The following KCND3 variants were observed in gnomAD, a reference collection of about 807,000 sequenced individuals.
The protein encoded by KCND3 is A-type voltage-gated potassium channel KCND3.
A neutral mutation model predicts 51.1 loss-of-function variants in KCND3; 9 were observed. The observed-to-expected ratio is 0.18, with a 90% confidence interval of 0.11 to 0.31. KCND3 has a LOEUF of 0.31. Ranked by LOEUF, KCND3 falls within the 10% of genes least tolerant of loss-of-function variation. The probability of loss-of-function intolerance (pLI) is 1.00; values close to 1 mark genes in which losing one functional copy is unlikely to be tolerated. For missense variants in KCND3, 526 were observed against 903.8 expected (o/e 0.58, Z 5.36); for synonymous variants, 349 against 368.0 (o/e 0.95, Z 0.59).
chr1:111,869,247 A>C (rs1433620113), intron 2 of KCND3, among the ~76,000 whole-genome samples: 1 of 152,196 alleles, frequency 6.6e-6, no homozygotes. Flanking sequence ...CTCATGAGAC[A>C]GGGCTATACA....
At chr1:111,889,216 A>C (rs898235802) in intron 2 of KCND3, among the ~76,000 whole-genome samples, 2 of 152,204 alleles carry the variant, frequency 1.3e-5, no homozygotes, top group African/African-American at 4.8e-5. Context: ...GGCCTGCCCC[A>C]AAAATTCAGG....
At chr1:111,926,512 T>G (rs1302612359) in intron 2 of KCND3, among the ~76,000 whole-genome samples, 1 of 152,194 alleles carries the variant, frequency 6.6e-6, no homozygotes, top group Non-Finnish European at 1.5e-5. Context: ...ACCTCACAGG[T>G]GCCTGTCCCG....
At chr1:111,917,858 G>A (rs1671296215) in intron 2 of KCND3, among the ~76,000 whole-genome samples, 1 of 152,196 alleles carries the variant, frequency 6.6e-6, no homozygotes, top group Non-Finnish European at 1.5e-5. Context: ...AAAACAGGGT[G>A]CTTCCCTGCT....
At chr1:111,898,090 C>T (rs1410765931) in intron 2 of KCND3, among the ~76,000 whole-genome samples, 1 of 152,180 alleles carries the variant, frequency 6.6e-6, no homozygotes, top group African/African-American at 2.4e-5. Flanking sequence ...TGACCCTACG[C>T]ATGGTCCTTG....
chr1:111,863,601 G>T (rs1205685119), intron 2 of KCND3, among the ~76,000 whole-genome samples: 1 of 152,220 alleles, frequency 6.6e-6, no homozygotes, highest in Non-Finnish European at 1.5e-5. Flanking sequence ...TGGCAGAGTT[G>T]CAAGGGCAAT....
chr1:111,784,263 A>G (rs1664515862), intron 3 of KCND3, among the ~76,000 whole-genome samples: 2 of 152,212 alleles, frequency 1.3e-5, no homozygotes, highest in Admixed American at 1.3e-4. Context: ...GGAAACTGGT[A>G]GACAAACTTT....
chr1:111,962,181 A>C (rs1256695310), intron 2 of KCND3, among the ~76,000 whole-genome samples: 1 of 152,260 alleles, frequency 6.6e-6, no homozygotes, highest in Non-Finnish European at 1.5e-5. Flanking sequence ...CATTTGCCAG[A>C]AAAAGAAAGT....
chr1:111,843,504 T>C (rs1366540495), intron 2 of KCND3, among the ~76,000 whole-genome samples: 2 of 152,190 alleles, frequency 1.3e-5, no homozygotes, highest in African/African-American at 4.8e-5. Flanking sequence ...TCTGCTTCTT[T>C]GGAGAGTGTC....
intron 2 of KCND3, chr1:111,910,300 G>C (rs1181748163): frequency 6.6e-6 from 1 of 152,180 alleles, no homozygotes; most frequent in East Asian, 1.9e-4. Flanking sequence ...TCATTCTCAA[G>C]TGCCTTTGCA....
chr1:111,883,506 A>G (rs1669431583), intron 2 of KCND3, among the ~76,000 whole-genome samples: 1 of 152,246 alleles, frequency 6.6e-6, no homozygotes, highest in Admixed American at 6.5e-5. Flanking sequence ...GAATTCAACC[A>G]TGGACTCGAT....
At chr1:111,840,962 T>C (rs931991429) in intron 2 of KCND3, among the ~76,000 whole-genome samples, 3 of 152,248 alleles carry the variant, frequency 2.0e-5, no homozygotes, top group Admixed American at 1.3e-4. Flanking sequence ...TCCTCATCCT[T>C]TGGAGACCAG....
chr1:111,937,644 T>G lies in KCND3; in HGVS notation c.1106+43977A>C, dbSNP rs1286019352. Among the ~76,000 whole-genome samples the G allele has an allele frequency of 3.3e-5, 5 of 152,132 alleles. No homozygotes were observed. The East Asian group carries it at 9.6e-4, about 29-fold the overall frequency. Reference sequence around the variant, plus strand: ...TAAGACAGGCAGGCATAAAACAGTGTAGCCATCAGAGAGGGACGAGGCCAG... The same window carrying G: ...TAAGACAGGCAGGCATAAAACAGTGGAGCCATCAGAGAGGGACGAGGCCAG... On this transcript the variant is annotated intron_variant, in intron 2 of 7. Coordinates refer to ENST00000302127, the MANE Select transcript of KCND3 (RefSeq NM_001378969.1).
intron 2 of KCND3, among the ~76,000 whole-genome samples, chr1:111,788,292 T>G (rs1362960713): frequency 6.6e-6 from 1 of 152,238 alleles, no homozygotes; most frequent in Non-Finnish European, 1.5e-5. Flanking sequence ...CCTGCCTCTG[T>G]GCCCTCTGGG....
intron 2 of KCND3, chr1:111,909,728 A>G (rs1306181345): frequency 6.6e-6 from 1 of 152,214 alleles, no homozygotes; most frequent in Non-Finnish European, 1.5e-5. Context: ...TAACAAACAC[A>G]TTATGCTTTG....
intron 2 of KCND3, among the ~76,000 whole-genome samples, chr1:111,908,583 T>A (rs1670761737): frequency 6.6e-6 from 1 of 152,130 alleles, no homozygotes; most frequent in Admixed American, 6.5e-5. Flanking sequence ...CCCCAGTCTG[T>A]CACCCCTGCT....
At chr1:111,907,595 C>G (rs1381208145) in intron 2 of KCND3, among the ~76,000 whole-genome samples, 1 of 152,216 alleles carries the variant, frequency 6.6e-6, no homozygotes, top group Non-Finnish European at 1.5e-5. Context: ...CCAACTAAGC[C>G]ATGTCTGGAT....
At chr1:111,885,435 T>G (rs902517821) in intron 2 of KCND3, among the ~76,000 whole-genome samples, 12 of 152,368 alleles carry the variant, frequency 7.9e-5, no homozygotes, top group South Asian at 6.2e-4. Context: ...TTCCAGACTT[T>G]GTTAGTGAAA....
At chr1:111,788,948 G>A (rs1321707558) in intron 2 of KCND3, among the ~76,000 whole-genome samples, 2 of 152,216 alleles carry the variant, frequency 1.3e-5, no homozygotes, top group African/African-American at 4.8e-5. Context: ...CACAGTCTCT[G>A]TTGATGGGAA....
chr1:111,870,795 T>G (rs1668796547), intron 2 of KCND3, among the ~76,000 whole-genome samples: 1 of 152,086 alleles, frequency 6.6e-6, no homozygotes, highest in Admixed American at 6.5e-5. Context: ...CTAACAAACA[T>G]CTATTGAGGT....
Sources: gnomAD v4.1 joint callset for allele counts (sites outside exome capture counted in the v4.1 genomes callset) on GRCh38, gnomAD v4.1.1 for gene constraint, MANE v1.5 for transcripts, NCBI Gene and HGNC (gene_info 2026-07-23, HGNC 2026-07-21) for gene names.